The following CFAP20DC variants were observed in gnomAD, a reference collection of about 807,000 sequenced individuals.
CFAP20DC encodes the protein protein CFAP20DC.
CFAP20DC carries 84 observed loss-of-function variants against 101.7 expected under a neutral mutation model. The ratio of observed to expected loss-of-function variants is 0.83; its 90% confidence interval spans 0.69 to 0.99. The LOEUF (loss-of-function observed/expected upper bound fraction) is 0.99. Among genes scored for constraint, CFAP20DC ranks in the 50% least tolerant of loss-of-function variants. CFAP20DC has a pLI of 0.00. For synonymous variants in CFAP20DC, 359 were observed against 351.2 expected, an observed-to-expected ratio of 1.02 and a Z score of -0.25; for missense variants, 1,007 against 970.3, an observed-to-expected ratio of 1.04 and a Z score of -0.50.
Position 58,729,850 on chromosome 3 carries a change from C to G in CFAP20DC, c.198-12222G>C, listed in dbSNP as rs1295844056. Among the ~76,000 whole-genome samples, 1 of 151,884 alleles carries G rather than the reference C, an allele frequency of 6.6e-6. No homozygotes were observed. The highest frequency in any genetic ancestry group is 1.5e-5 in the Non-Finnish European group (1 of 67,984). ...CGTGACCAACACGGAGAAACCCTGT[C>G]TCTACTAAAAATACAAAATTAGCAG... is the stretch of plus-strand genomic sequence containing the variant. On this transcript the variant is annotated intron_variant, in intron 3 of 3. Transcript: ENST00000486145. The surrounding 1 kb of genome is among the most constrained non-coding windows in gnomAD (Gnocchi z 4.4).
At chr3:58,993,329 A>G (rs1400526687) in intron 4 of CFAP20DC, among the ~76,000 whole-genome samples, 3 of 152,228 alleles carry the variant, frequency 2.0e-5, no homozygotes, top group African/African-American at 7.2e-5. Context: ...ACTCTGAAGC[A>G]GGAAACCAGT....
intron 15 of CFAP20DC, among the ~76,000 whole-genome samples, chr3:58,800,039 G>C (rs535160184): frequency 6.6e-6 from 1 of 152,152 alleles, no homozygotes; most frequent in Non-Finnish European, 1.5e-5. Context: ...AGTAGAGATC[G>C]AGCAAGGTGC....
chr3:58,867,884 A>G lies in CFAP20DC; in HGVS notation c.1068T>C (p.Asp356=), dbSNP rs751464849. Residue 356 remains aspartate (D), a synonymous_variant, in exon 10 of 17, where the codon GAT becomes GAC. Coordinates refer to ENST00000482387, the MANE Select transcript of CFAP20DC (RefSeq NM_001394063.1). ...GTAATCTTCTTCTGTTATTATTCTTATCTGCTGATGGTTCTTGAGGGGGAT... is the reference window on the plus strand; with the variant it reads ...GTAATCTTCTTCTGTTATTATTCTTGTCTGCTGATGGTTCTTGAGGGGGAT... ...HPHPPQEPSA[D]KNNNRRRLRL... is the part of the protein sequence containing the mutation. 5.6e-6 allele frequency: 9 copies of G among 1,613,528 alleles called. No homozygotes were observed. The African/African-American group carries it at 1.2e-4, about 22-fold the overall frequency.
chr3:58,779,090 C>A (rs1173479476), intron 15 of CFAP20DC, among the ~76,000 whole-genome samples: 2 of 152,092 alleles, frequency 1.3e-5, no homozygotes, highest in African/African-American at 2.4e-5. Flanking sequence ...TCCATAGGAA[C>A]AGGATAATTA....
chr3:59,049,553 G>C, intron 1 of CFAP20DC, 58 bp downstream of exon 1: 1 of 1,468,554 alleles, frequency 6.8e-7, no homozygotes, highest in Non-Finnish European at 9.2e-7. Flanking sequence ...CCCGATCACG[G>C]ACTACCTCAC....
rs2079493394 is a variant in CFAP20DC at position 58,864,253 on chromosome 3, G to A, written c.1259-361C>T. 6.6e-6 allele frequency among the ~76,000 whole-genome samples: 1 copy of A among 152,176 alleles called. No individual in the cohort carries two copies. Among genetic ancestry groups the A allele is most frequent in the Non-Finnish European group, 1.5e-5 (1 of 68,036 alleles). ...ATTACAGGCATGAGCCACCGCGCCT[G>A]GCCAAAAGTGTTATTTTAGGCAGGT... On this transcript the variant is annotated intron_variant, in intron 11 of 16. Coordinates refer to ENST00000482387, the MANE Select transcript of CFAP20DC (RefSeq NM_001394063.1). The surrounding 1 kb of genome is among the most constrained non-coding windows in gnomAD (Gnocchi z 4.7).
intron 6 of CFAP20DC, among the ~76,000 whole-genome samples, chr3:58,902,577 A>G (rs2083239939): frequency 6.6e-6 from 1 of 152,156 alleles, no homozygotes; most frequent in African/African-American, 2.4e-5. Context: ...ATCTTATTTG[A>G]AGAAATGTCT....
chr3:58,812,680 A>G (rs534909884), intron 14 of CFAP20DC, among the ~76,000 whole-genome samples: 1 of 151,882 alleles, frequency 6.6e-6, no homozygotes, highest in South Asian at 2.1e-4. Context: ...CATTGTGCAC[A>G]TGTACTCTAA....
intron 4 of CFAP20DC, among the ~76,000 whole-genome samples, chr3:58,950,798 C>T (rs1011520362): frequency 6.6e-6 from 1 of 152,052 alleles, no homozygotes; most frequent in African/African-American, 2.4e-5. Flanking sequence ...GACCTAAAAC[C>T]ATAAAAACCC....
intron 15 of CFAP20DC, among the ~76,000 whole-genome samples, chr3:58,805,838 T>C (rs2074015796): frequency 6.6e-6 from 1 of 152,204 alleles, no homozygotes; most frequent in Admixed American, 6.5e-5. Context: ...TAGTGACAAA[T>C]GACTCATACA....
intron 15 of CFAP20DC, among the ~76,000 whole-genome samples, chr3:58,778,405 C>T (rs1025825186): frequency 2.6e-5 from 4 of 152,170 alleles, no homozygotes; most frequent in Admixed American, 1.3e-4. Flanking sequence ...GGGGCGTTCT[C>T]TACCTGCTGC....
intron 14 of CFAP20DC, among the ~76,000 whole-genome samples, chr3:58,815,768 A>C (rs1444666400): frequency 6.7e-6 from 1 of 149,990 alleles, no homozygotes; most frequent in Non-Finnish European, 1.5e-5. Context: ...AATGCTCATC[A>C]TCACTGGCCA....
intron 4 of CFAP20DC, among the ~76,000 whole-genome samples, chr3:58,962,681 C>A (rs1245638112): frequency 6.6e-6 from 1 of 152,132 alleles, no homozygotes; most frequent in East Asian, 1.9e-4. Context: ...GATTATGGGA[C>A]AATTCAAAGC....
intron 4 of CFAP20DC, among the ~76,000 whole-genome samples, chr3:58,949,776 T>C (rs1319388111): frequency 6.6e-6 from 1 of 152,178 alleles, no homozygotes; most frequent in Non-Finnish European, 1.5e-5. Context: ...TATCTCAAAA[T>C]AATAAGAGCT....
At chr3:58,873,950 T>C (rs922361623) in intron 7 of CFAP20DC, among the ~76,000 whole-genome samples, 1 of 152,214 alleles carries the variant, frequency 6.6e-6, no homozygotes, top group African/African-American at 2.4e-5. Context: ...GAAGTCTGGA[T>C]AGCTGTTCTG....
chr3:58,878,976 C>T, intron 7 of CFAP20DC, among the ~76,000 whole-genome samples: 1 of 151,700 alleles, frequency 6.6e-6, no homozygotes, highest in South Asian at 2.1e-4. Flanking sequence ...CCACTGCACT[C>T]CAGCCTGGGC....
chr3:58,855,899 T>C (rs2078752553), intron 12 of CFAP20DC, among the ~76,000 whole-genome samples: 2 of 149,554 alleles, frequency 1.3e-5, no homozygotes, highest in Non-Finnish European at 3.0e-5. Flanking sequence ...GATGAGTTAG[T>C]GGGTGCAGCG....
At chr3:58,755,719 G>A (rs1388988382) in intron 15 of CFAP20DC, among the ~76,000 whole-genome samples, 1 of 152,128 alleles carries the variant, frequency 6.6e-6, no homozygotes, top group South Asian at 2.1e-4. Context: ...GTTGCAAGAA[G>A]AGTATAAAGA....
At chr3:58,955,258 G>C (rs139549303) in intron 4 of CFAP20DC, among the ~76,000 whole-genome samples, 228 of 152,114 alleles carry the variant, frequency 1.5e-3, no homozygotes, top group Non-Finnish European at 2.5e-3. Context: ...CAAAAAATTA[G>C]GTGAGCACTC....
Sources: allele counts gnomAD v4.1 joint callset (sites outside exome capture counted in the v4.1 genomes callset), GRCh38; gene constraint gnomAD v4.1.1; non-coding constraint Gnocchi (gnomAD v3.1); transcripts MANE v1.5; gene names NCBI Gene and HGNC (gene_info 2026-07-23, HGNC 2026-07-21).